The following SRRM4 variants were observed in gnomAD, a reference collection of about 807,000 sequenced individuals.
The protein encoded by SRRM4 is serine/arginine repetitive matrix protein 4.
SRRM4 carries 33 observed loss-of-function variants against 68.9 expected under a neutral mutation model. The ratio of observed to expected loss-of-function variants is 0.48; its 90% CI spans 0.36 to 0.64. The LOEUF is 0.64. Among genes scored for constraint, SRRM4 ranks in the 30% least tolerant of loss-of-function variants. SRRM4 has a pLI of 0.00. For synonymous variants in SRRM4, 318 were observed against 318.8 expected, an observed-to-expected ratio of 1.00 and a Z score of 0.03; for missense variants, 817 against 827.1, an observed-to-expected ratio of 0.99 and a Z score of 0.15.
chr12:118,993,125 G>A (rs1345570938), intron 1 of SRRM4, among the ~76,000 whole-genome samples: 2 of 152,084 alleles, frequency 1.3e-5, no homozygotes, highest in African/African-American at 2.4e-5. Context: ...ACTGAGGCTC[G>A]AGGTCTTATA....
At position 119,033,940 on chromosome 12, in the gene SRRM4, A is replaced by G. The variant is rs147874157; in HGVS notation, c.131+51927A>G. ...ATATAGAAGAAACACATACATTCAT[A>G]TATATCCTTCTGGTGTTTTTGCTTA... On this transcript the variant is annotated intron_variant, in intron 1 of 12. Coordinates refer to ENST00000267260, the MANE Select transcript of SRRM4 (RefSeq NM_194286.4). Among the ~76,000 whole-genome samples, 120 of 152,300 alleles carry G rather than the reference A, an allele frequency of 7.9e-4. 3 individuals carry two copies. The East Asian group carries it at 0.017, about 22-fold the overall frequency.
intron 1 of SRRM4, among the ~76,000 whole-genome samples, chr12:119,089,099 T>C (rs1038995338): frequency 6.6e-6 from 1 of 152,046 alleles, no homozygotes; most frequent in African/African-American, 2.4e-5. Flanking sequence ...CTGCCCCTCA[T>C]CAACAGAGAA....
chr12:118,984,913 A>C (rs1212153339), intron 1 of SRRM4, among the ~76,000 whole-genome samples: 1 of 152,210 alleles, frequency 6.6e-6, no homozygotes, highest in Non-Finnish European at 1.5e-5. Context: ...ATCCTGAACA[A>C]ATAGTTTTAC....
At chr12:119,033,479 C>G (rs1953605589) in intron 1 of SRRM4, among the ~76,000 whole-genome samples, 1 of 152,134 alleles carries the variant, frequency 6.6e-6, no homozygotes. Flanking sequence ...TCCTGGCCCA[C>G]ATGGTGAAAT....
chr12:119,089,554 A>G (rs1435213265), intron 1 of SRRM4, among the ~76,000 whole-genome samples: 2 of 152,158 alleles, frequency 1.3e-5, no homozygotes, highest in Non-Finnish European at 2.9e-5. Context: ...ATCCTTTGTC[A>G]GAGAAGAATG....
At chr12:119,030,199 T>C (rs1953579462) in intron 1 of SRRM4, among the ~76,000 whole-genome samples, 1 of 152,208 alleles carries the variant, frequency 6.6e-6, no homozygotes, top group African/African-American at 2.4e-5. Flanking sequence ...CATTATGAAA[T>C]GTCAGGAACC....
intron 1 of SRRM4, among the ~76,000 whole-genome samples, chr12:119,053,052 C>T (rs1343378540): frequency 1.3e-5 from 2 of 152,154 alleles, no homozygotes; most frequent in East Asian, 1.9e-4. Flanking sequence ...ACTTTCTCTC[C>T]TTCCAATTGT....
chr12:119,024,824 ACT>A (rs1226473258), intron 1 of SRRM4, among the ~76,000 whole-genome samples: 1 of 151,820 alleles, frequency 6.6e-6, no homozygotes, highest in Non-Finnish European at 1.5e-5. Flanking sequence ...TTTTCAGGAC[ACT>A]CTATCCTGAA....
chr12:119,069,242 G>A (rs1246198751), intron 1 of SRRM4, among the ~76,000 whole-genome samples: 1 of 152,290 alleles, frequency 6.6e-6, no homozygotes, highest in East Asian at 1.9e-4. Flanking sequence ...CTGGCTGGGC[G>A]TGAGAACTGC....
At chr12:119,134,015 A>G (rs1477645207) in intron 8 of SRRM4, among the ~76,000 whole-genome samples, 1 of 152,172 alleles carries the variant, frequency 6.6e-6, no homozygotes, top group African/African-American at 2.4e-5. Flanking sequence ...GGGGGAAAAT[A>G]AAGACTAGAG....
rs1042367094 is a variant in SRRM4, at chr12:119,157,246, C to G, written c.*448C>G. On this transcript the variant is annotated 3_prime_UTR_variant, in exon 13 of 13. Coordinates refer to ENST00000267260, the MANE Select transcript of SRRM4 (RefSeq NM_194286.4). This position sits in a 1 kb window ranked among gnomAD's most constrained non-coding sequence, Gnocchi z 4.1. Reference sequence around the variant, plus strand: ...TTCATGGCTGCACGTGGATGGACCCCCATGTCTGAGAGGGGTGAAAGAGGA... The same window carrying G: ...TTCATGGCTGCACGTGGATGGACCCGCATGTCTGAGAGGGGTGAAAGAGGA... 1 of 167,094 alleles carries G rather than the reference C, an allele frequency of 6.0e-6. No individual in the cohort carries two copies. Among genetic ancestry groups the G allele is most frequent in the African/African-American group, 2.4e-5 (1 of 41,714 alleles). 10.4% of individuals were successfully genotyped at this position (167,094 alleles called of 1,614,324 possible).
chr12:119,096,679 G>A (rs139063220), intron 1 of SRRM4, among the ~76,000 whole-genome samples: 3 of 152,340 alleles, frequency 2.0e-5, no homozygotes, highest in African/African-American at 4.8e-5. Context: ...ACTCTGTACA[G>A]GGCTGAGCTG....
At chr12:119,018,552 TCACAGTTTCAGTG>T (rs1161038187) in intron 1 of SRRM4, among the ~76,000 whole-genome samples, 2 of 152,126 alleles carry the variant, frequency 1.3e-5, no homozygotes, top group Non-Finnish European at 2.9e-5. Flanking sequence ...ACTCTTTGGG[TCACAGTTTCAGTG>T]TTAGGATGTA....
intron 1 of SRRM4, among the ~76,000 whole-genome samples, chr12:119,089,662 G>C (rs1400649913): frequency 6.6e-6 from 1 of 152,192 alleles, no homozygotes; most frequent in Non-Finnish European, 1.5e-5. Context: ...TGGAGCTGCA[G>C]AGTTGGAGTC....
chr12:119,108,920 C>T (rs1021244043), intron 2 of SRRM4, among the ~76,000 whole-genome samples: 40 of 152,092 alleles, frequency 2.6e-4, no homozygotes, highest in Admixed American at 2.1e-3. Context: ...CTAGCATTGA[C>T]GGTCTTTACA....
chr12:119,146,313 G>A (rs1488261310), intron 9 of SRRM4, among the ~76,000 whole-genome samples: 5 of 152,178 alleles, frequency 3.3e-5, no homozygotes, highest in African/African-American at 7.2e-5. Context: ...TTGACCAGGC[G>A]TGGTGGCTCA....
chr12:119,050,672 A>G (rs1173263454), intron 1 of SRRM4, among the ~76,000 whole-genome samples: 1 of 152,066 alleles, frequency 6.6e-6, no homozygotes, highest in Non-Finnish European at 1.5e-5. Flanking sequence ...CATGTCTGCC[A>G]TTTTCCACTA....
At chr12:119,014,010 C>CATTACTTGATA (rs1953465974) in intron 1 of SRRM4, among the ~76,000 whole-genome samples, 1 of 152,082 alleles carries the variant, frequency 6.6e-6, no homozygotes. Flanking sequence ...ATTACTTGAT[C>CATTACTTGATA]ATTACTTGAT....
At chr12:119,085,817 C>A (rs1160163126) in intron 1 of SRRM4, among the ~76,000 whole-genome samples, 1 of 152,016 alleles carries the variant, frequency 6.6e-6, no homozygotes, top group Non-Finnish European at 1.5e-5. Flanking sequence ...GAGATGGAGG[C>A]TGAGATGCTT....
Sources: allele counts gnomAD v4.1 joint callset (sites outside exome capture counted in the v4.1 genomes callset), GRCh38; gene constraint gnomAD v4.1.1; non-coding constraint Gnocchi (gnomAD v3.1); transcripts MANE v1.5; gene names NCBI Gene and HGNC (gene_info 2026-07-23, HGNC 2026-07-21).